The following TPTE variants were observed in gnomAD, a reference collection of about 807,000 sequenced individuals.
The protein encoded by TPTE is putative tyrosine-protein phosphatase TPTE.
In TPTE, 59 loss-of-function variants were observed where a neutral mutation model predicts 84.1. The ratio of observed to expected loss-of-function variants is 0.70; its 90% CI spans 0.57 to 0.87. The LOEUF (loss-of-function observed/expected upper bound fraction) is 0.87. Ranked by LOEUF, TPTE falls within the 40% of genes least tolerant of loss-of-function variation. TPTE has a pLI of 0.00. For missense variants in TPTE, 382 were observed against 659.6 expected, an observed-to-expected ratio of 0.58 and a Z score of 4.61; for synonymous variants, 130 against 223.5, an observed-to-expected ratio of 0.58 and a Z score of 3.73.
At chr21:10,579,803 C>A (rs1347369759) in intron 17 of TPTE, among the ~76,000 whole-genome samples, 1 of 152,430 alleles carries the variant, frequency 6.6e-6, no homozygotes, top group South Asian at 2.1e-4. Flanking sequence ...AGATTGACTC[C>A]ATAGCTTGGG....
At chr21:10,540,533 T>G (rs1348415484) in intron 4 of TPTE, among the ~76,000 whole-genome samples, 1 of 152,308 alleles carries the variant, frequency 6.6e-6, no homozygotes, top group Non-Finnish European at 1.5e-5. Context: ...GAGAAGGAGA[T>G]AGGAGTGGAC....
At chr21:10,598,715 T>C (rs866255414) in intron 21 of TPTE, among the ~76,000 whole-genome samples, 3 of 152,424 alleles carry the variant, frequency 2.0e-5, no homozygotes, top group Admixed American at 1.3e-4. Context: ...AATGTTTTGC[T>C]TCAATGAAGA....
At position 10,552,764 on chromosome 21, in the gene TPTE, T is replaced by C. The variant is rs1193823643; in HGVS notation, c.233+48T>C. 4 of 1,612,946 alleles carry C rather than the reference T, an allele frequency of 2.5e-6. No homozygotes were observed. In the African/African-American group the frequency reaches 4.0e-5, roughly 16 times the overall value. ...AGGAGGGAGCCATTGATGGATCTCT[T>C]ATCTTTAGTTAAACAGGGCTTCCGC... is the stretch of plus-strand genomic sequence containing the variant. On this transcript the variant is annotated intron_variant, in intron 8 of 23. Coordinates refer to ENST00000618007, the MANE Select transcript of TPTE (RefSeq NM_199261.4).
At chr21:10,532,741 A>G (rs1298210698) in intron 3 of TPTE, among the ~76,000 whole-genome samples, 2 of 152,302 alleles carry the variant, frequency 1.3e-5, no homozygotes, top group Admixed American at 1.3e-4. Flanking sequence ...CTTTTAACAT[A>G]AGAGGCATTC....
rs747174644 is a variant in TPTE at position 10,570,555 on chromosome 21, G to A, written c.795+6G>A. On this transcript the variant is annotated splice_donor_region_variant and intron_variant, in intron 14 of 23. Coordinates refer to ENST00000618007, the MANE Select transcript of TPTE (RefSeq NM_199261.4). ...TCTATAGAAATCCAATCAAGGTAAG[G>A]GTCTTTATCTGACAAATACTCATTT... 6.2e-7 allele frequency: 1 copy of A among 1,614,056 alleles called. No homozygotes were observed. The highest frequency in any genetic ancestry group is 8.5e-7 in the Non-Finnish European group (1 of 1,179,908).
At chr21:10,525,972 T>C (rs1724710549) in intron 2 of TPTE, among the ~76,000 whole-genome samples, 1 of 152,298 alleles carries the variant, frequency 6.6e-6, no homozygotes, top group Admixed American at 6.5e-5. Flanking sequence ...CAGTAGAGGA[T>C]GTCTGAAAAA....
intron 17 of TPTE, among the ~76,000 whole-genome samples, chr21:10,587,872 T>C (rs866221299): frequency 0.01 from 1,500 of 149,986 alleles, no homozygotes; most frequent in African/African-American, 0.036. Context: ...GTTTTTGAGA[T>C]GGAGTCTTGC....
intron 6 of TPTE, 138 bp from the exon 7 acceptor site, chr21:10,543,191 A>C: frequency 8.5e-7 from 1 of 1,175,472 alleles, no homozygotes; most frequent in East Asian, 3.5e-5. Flanking sequence ...CACCGCGCCC[A>C]GCTAATTTTT....
intron 8 of TPTE, among the ~76,000 whole-genome samples, chr21:10,557,004 T>G (rs1262199443): frequency 6.6e-6 from 1 of 152,308 alleles, no homozygotes; most frequent in Non-Finnish European, 1.5e-5. Flanking sequence ...GCCTGTTCAC[T>G]CTGATGGTAG....
intron 8 of TPTE, among the ~76,000 whole-genome samples, chr21:10,555,930 C>T (rs375523629): frequency 6.6e-6 from 1 of 152,310 alleles, no homozygotes; most frequent in Non-Finnish European, 1.5e-5. Flanking sequence ...TTCTTCCACA[C>T]CTTGAATCCT....
At chr21:10,533,804 AG>A (rs1244050300) in intron 3 of TPTE, among the ~76,000 whole-genome samples, 1 of 152,312 alleles carries the variant, frequency 6.6e-6, no homozygotes, top group Non-Finnish European at 1.5e-5. Context: ...GAAAAGCTTT[AG>A]ACAAGGTAAA....
chr21:10,586,229 T>A (rs2075363388), intron 17 of TPTE, among the ~76,000 whole-genome samples: 1 of 152,306 alleles, frequency 6.6e-6, no homozygotes, highest in Non-Finnish European at 1.5e-5. Context: ...ATTGCTTTAG[T>A]TTCGTCCCAT....
chr21:10,588,110 A>C (rs1372408730), intron 17 of TPTE, among the ~76,000 whole-genome samples: 2 of 152,280 alleles, frequency 1.3e-5, no homozygotes, highest in Non-Finnish European at 2.9e-5. Context: ...TGGCCTCCCA[A>C]AGTGCTGGGA....
chr21:10,537,551 G>A (rs1450608731), intron 3 of TPTE, among the ~76,000 whole-genome samples: 2 of 152,308 alleles, frequency 1.3e-5, no homozygotes, highest in African/African-American at 4.8e-5. Flanking sequence ...GGTGGCGGGT[G>A]CCTGTAGTCC....
intron 19 of TPTE, among the ~76,000 whole-genome samples, chr21:10,592,683 A>G (rs2145778829): frequency 6.6e-6 from 1 of 152,312 alleles, no homozygotes. Context: ...AGGACTCTGA[A>G]GTGTGTCTAA....
chr21:10,602,093 T>C lies in TPTE; in HGVS notation c.1392T>C (p.Ile464=). The C allele has an allele frequency of 1.2e-6, 2 of 1,613,226 alleles. No individual in the cohort carries two copies. The highest frequency in any genetic ancestry group is 1.7e-6 in the Non-Finnish European group (2 of 1,179,164). Residue 464 remains isoleucine (I), a synonymous_variant, in exon 22 of 24, where the codon ATT becomes ATC. Coordinates refer to ENST00000618007, the MANE Select transcript of TPTE (RefSeq NM_199261.4). ...ACATTACAACAGACAAAATATTAAT[T>C]GATGTATTCGACGGTCTACCTCTGT... The part of the protein sequence containing the change: ...LDNITTDKIL[I]DVFDGLPLYD...
intron 14 of TPTE, among the ~76,000 whole-genome samples, chr21:10,571,306 ACCAAAGTCAAAGCAC>A (rs1168557635): frequency 6.6e-6 from 1 of 152,312 alleles, no homozygotes; most frequent in Non-Finnish European, 1.5e-5. Flanking sequence ...CCCACCCAGA[ACCAAAGTCAAAGCAC>A]CCTACTCAAT....
At chr21:10,566,702 T>C (rs1340757737) in intron 10 of TPTE, among the ~76,000 whole-genome samples, 1 of 152,306 alleles carries the variant, frequency 6.6e-6, no homozygotes, top group Admixed American at 6.5e-5. Flanking sequence ...CCCGGCCAAG[T>C]GCACTGGCTC....
chr21:10,596,088 G>C lies in TPTE; in HGVS notation c.1276+1G>C, dbSNP rs369393265. On this transcript the variant is annotated splice_donor_variant, in intron 20 of 23. Coordinates refer to ENST00000618007, the MANE Select transcript of TPTE (RefSeq NM_199261.4). LOFTEE classifies it high-confidence loss of function. ...CACTTCATTATTTATTCGATTCCTC[G>C]TAAGTGCTTTATGTATAATTGAAGA... 1 of 1,613,960 alleles carries C rather than the reference G, an allele frequency of 6.2e-7. No individual in the cohort carries two copies. Among genetic ancestry groups the C allele is most frequent in the South Asian group, 1.1e-5 (1 of 91,064 alleles).
Sources: gnomAD v4.1 joint callset for allele counts (sites outside exome capture counted in the v4.1 genomes callset) on GRCh38, gnomAD v4.1.1 for gene constraint, MANE v1.5 for transcripts, NCBI Gene and HGNC (gene_info 2026-07-23, HGNC 2026-07-21) for gene names.